AMMECR1: variants seen among roughly 807,000 people sequenced by gnomAD.
AMMECR1 encodes AMMECR nuclear protein 1, also known as nuclear protein AMMECR1.
A neutral mutation model predicts 22.5 loss-of-function variants in AMMECR1; 3 were observed. The ratio of observed to expected loss-of-function variants is 0.13; its 90% CI spans 0.06 to 0.35. The LOEUF (loss-of-function observed/expected upper bound fraction) is 0.35, where lower values mean the gene tolerates loss of function less well. Among genes scored for constraint, AMMECR1 ranks in the 10% least tolerant of loss-of-function variants. AMMECR1 has a pLI of 1.00. For missense variants in AMMECR1, 235 were observed against 278.7 expected (o/e 0.84, Z 1.12); for synonymous variants, 130 against 116.7 (o/e 1.11, Z -0.74).
chrX:110,209,872 G>GACAC (rs112143179), intron 3 of AMMECR1, among the ~76,000 whole-genome samples: 36 of 104,848 alleles, frequency 3.4e-4, no homozygotes, highest in African/African-American at 9.7e-4. Flanking sequence ...AAATGCTGGG[G>GACAC]ACACACACAC....
At position 110,262,474 on chromosome X, in the gene AMMECR1, G is replaced by C. The variant is rs1170432684; in HGVS notation, c.584+2015C>G. 3.6e-5 allele frequency among the ~76,000 whole-genome samples: 4 copies of C among 112,087 alleles called. No homozygotes were observed. The East Asian group carries it at 1.1e-3, about 31-fold the overall frequency. On this transcript the variant is annotated intron_variant, in intron 2 of 5. Coordinates refer to ENST00000262844, the MANE Select transcript of AMMECR1 (RefSeq NM_015365.3). ...GAGGGTAACAAGGTATACAAATGTA[G>C]GCAAATTTCCAACTTCAAGTATTTG... is the stretch of plus-strand genomic sequence containing the variant.
At chrX:110,305,617 A>G (rs1376980708) in intron 1 of AMMECR1, 1 of 111,854 alleles carries the variant, frequency 8.9e-6, no homozygotes, top group Admixed American at 9.4e-5. Flanking sequence ...TGCCACACTT[A>G]GATGTAAGTT....
At chrX:110,348,402 C>T (rs1034930515) in intron 2 of AMMECR1, among the ~76,000 whole-genome samples, 4 of 112,226 alleles carry the variant, frequency 3.6e-5, no homozygotes, top group African/African-American at 9.7e-5. Flanking sequence ...GCTTTCCATT[C>T]TGTCCCTATA....
chrX:110,367,787 G>A (rs776205157), intron 2 of AMMECR1, among the ~76,000 whole-genome samples: 1 of 109,808 alleles, frequency 9.1e-6, no homozygotes, highest in Non-Finnish European at 1.9e-5. Context: ...CTATCTATCA[G>A]CAATACTTTC....
At chrX:110,408,614 T>TTACATGG (rs1478980886) in intron 2 of AMMECR1, among the ~76,000 whole-genome samples, 31 of 112,321 alleles carry the variant, frequency 2.8e-4, no homozygotes, top group Non-Finnish European at 3.2e-4. Flanking sequence ...ATATGGAAGA[T>TTACATGG]TACATGGTTA....
chrX:110,397,946 T>C (rs1328599213), intron 2 of AMMECR1, among the ~76,000 whole-genome samples: 1 of 112,225 alleles, frequency 8.9e-6, no homozygotes, highest in East Asian at 2.8e-4. Context: ...GAAAGACCCT[T>C]AAGGAAAAGG....
intron 1 of AMMECR1, among the ~76,000 whole-genome samples, chrX:110,296,119 T>C (rs2067934622): frequency 8.9e-6 from 1 of 112,266 alleles, no homozygotes; most frequent in Admixed American, 9.4e-5. Flanking sequence ...AAATTATCTG[T>C]TTCTGTTTAT....
At chrX:110,250,896 T>C (rs1005865413) in intron 2 of AMMECR1, among the ~76,000 whole-genome samples, 2 of 112,105 alleles carry the variant, frequency 1.8e-5, no homozygotes, top group African/African-American at 6.5e-5. Context: ...TTCAGTCACT[T>C]ATAATGAGAT....
chrX:110,258,278 G>T (rs1399807391), intron 2 of AMMECR1, among the ~76,000 whole-genome samples: 1 of 112,222 alleles, frequency 8.9e-6, no homozygotes, highest in Non-Finnish European at 1.9e-5. Flanking sequence ...GGTTCCTGCT[G>T]CTTAGTTTCC....
At position 110,194,659 on chromosome X, in the gene AMMECR1, T is replaced by C. The variant is rs1056608077; in HGVS notation, c.*3861A>G. ...ATTTCAAAAGTAATCAACTTTGATATACAAAAGTAGTCAGAGGTGGTTACA... is the reference window on the plus strand; with the variant it reads ...ATTTCAAAAGTAATCAACTTTGATACACAAAAGTAGTCAGAGGTGGTTACA... On this transcript the variant is annotated 3_prime_UTR_variant, in exon 6 of 6. Transcript: ENST00000262844. 1 of 112,504 alleles carries C rather than the reference T, an allele frequency of 8.9e-6. No individual in the cohort carries two copies. The highest frequency in any genetic ancestry group is 1.9e-5 in the Non-Finnish European group (1 of 53,291). 9.3% of individuals were successfully genotyped at this position (112,504 alleles called of 1,213,427 possible). A position where few individuals can be genotyped will look rare whatever the true frequency, so the allele number is the denominator to read the frequency against.
chrX:110,268,802 C>T (rs2067783279), intron 1 of AMMECR1, among the ~76,000 whole-genome samples: 1 of 111,267 alleles, frequency 9.0e-6, no homozygotes, highest in African/African-American at 3.3e-5. Context: ...TTGAGAGGAG[C>T]TGCTCAATGA....
Position 110,216,220 on chromosome X carries a change from A to G in AMMECR1, c.699+298T>C, listed in dbSNP as rs1003426391. The stretch of plus-strand genomic sequence containing the variant: ...CAGAATGAAAGTAAGAGGAGAAATA[A>G]ATTCCAGTCAGTCCTTCTTATTACT... On this transcript the variant is annotated intron_variant, in intron 3 of 5. Transcript: ENST00000262844. Among the ~76,000 whole-genome samples the G allele has an allele frequency of 3.6e-5, 4 of 111,943 alleles. No homozygotes were observed. In the East Asian group the frequency reaches 1.1e-3, roughly 31 times the overall value.
At chrX:110,396,769 C>T (rs1192000907) in intron 2 of AMMECR1, among the ~76,000 whole-genome samples, 1 of 112,127 alleles carries the variant, frequency 8.9e-6, no homozygotes, top group Non-Finnish European at 1.9e-5. Context: ...TCTATACAGC[C>T]CCAAATACAG....
At chrX:110,436,000 A>C (rs1456447277) in intron 1 of AMMECR1, among the ~76,000 whole-genome samples, 1 of 112,591 alleles carries the variant, frequency 8.9e-6, no homozygotes, top group Non-Finnish European at 1.9e-5. Context: ...TATAAGAGGC[A>C]AAGCCTGCCG....
intron 2 of AMMECR1, among the ~76,000 whole-genome samples, 172 bp from the exon 3 acceptor site, chrX:110,216,804 T>C (rs2067475417): frequency 9.0e-6 from 1 of 111,645 alleles, no homozygotes; most frequent in African/African-American, 3.2e-5. Flanking sequence ...AGAAGTCACC[T>C]TTTTTTTCAT....
upstream of AMMECR1, among the ~76,000 whole-genome samples, chrX:110,318,845 C>G (rs2068067929): frequency 8.9e-6 from 1 of 112,401 alleles, no homozygotes; most frequent in African/African-American, 3.2e-5. Flanking sequence ...GTTCCCCCAA[C>G]TTACCCTCCT....
At chrX:110,414,954 A>C (rs2068666678) in intron 2 of AMMECR1, among the ~76,000 whole-genome samples, 1 of 112,038 alleles carries the variant, frequency 8.9e-6, no homozygotes. Context: ...CTGAAGAAAG[A>C]AGAAAGCATA....
chrX:110,213,364 T>G (rs2067456876), intron 3 of AMMECR1, among the ~76,000 whole-genome samples: 1 of 112,616 alleles, frequency 8.9e-6, no homozygotes, highest in African/African-American at 3.2e-5. Flanking sequence ...TCATACGGAA[T>G]GTGGCTTTCT....
chrX:110,230,805 A>G (rs1466371980), intron 2 of AMMECR1, among the ~76,000 whole-genome samples: 4 of 111,858 alleles, frequency 3.6e-5, no homozygotes, highest in Non-Finnish European at 5.6e-5. Context: ...ACAAATGGCT[A>G]ACTAGAATAA....
Sources: gnomAD v4.1 joint callset for allele counts (sites outside exome capture counted in the v4.1 genomes callset) on GRCh38, gnomAD v4.1.1 for gene constraint, MANE v1.5 for transcripts, NCBI Gene and HGNC (gene_info 2026-07-23, HGNC 2026-07-21) for gene names.